The following ZNF804B variants were observed in gnomAD, a reference collection of about 807,000 sequenced individuals.
ZNF804B encodes the protein zinc finger protein 804B, also known as zinc finger 804B.
ZNF804B carries 80 observed loss-of-function variants against 101.4 expected under a neutral mutation model. That is an observed-to-expected ratio of 0.79 (90% CI 0.66 to 0.95). The LOEUF is 0.95. ZNF804B is among the 40% of genes least tolerant of loss of function. The pLI is 0.00. For synonymous variants in ZNF804B, 622 were observed against 558.8 expected (o/e 1.11, Z -1.59); for missense variants, 1,673 against 1,561.9 (o/e 1.07, Z -1.20).
At chr7:89,078,407 A>G (rs960509363) in intron 1 of ZNF804B, among the ~76,000 whole-genome samples, 3 of 152,074 alleles carry the variant, frequency 2.0e-5, no homozygotes, top group African/African-American at 4.8e-5. Flanking sequence ...TGCAGCCTCT[A>G]AAGACCAGTA....
At chr7:88,842,452 T>C (rs987610638) in intron 1 of ZNF804B, among the ~76,000 whole-genome samples, 2 of 152,158 alleles carry the variant, frequency 1.3e-5, no homozygotes, top group African/African-American at 4.8e-5. Context: ...CACTGTGGGC[T>C]TCAGCCTGCA....
At chr7:89,025,613 T>A (rs1322114350) in intron 1 of ZNF804B, among the ~76,000 whole-genome samples, 1 of 152,132 alleles carries the variant, frequency 6.6e-6, no homozygotes, top group Non-Finnish European at 1.5e-5. Context: ...ATATACTCAC[T>A]CTTAGCTATT....
At chr7:89,300,695 TA>T (rs1790458546) in intron 2 of ZNF804B, among the ~76,000 whole-genome samples, 2 of 151,610 alleles carry the variant, frequency 1.3e-5, no homozygotes, top group African/African-American at 2.4e-5. Flanking sequence ...ACTGGAGAGG[TA>T]TATACTGAGT....
intron 1 of ZNF804B, among the ~76,000 whole-genome samples, chr7:89,055,587 A>G (rs1789278836): frequency 6.6e-6 from 1 of 152,070 alleles, no homozygotes; most frequent in African/African-American, 2.4e-5. Context: ...AATTCCTGAT[A>G]TCAACTTCAC....
intron 1 of ZNF804B, among the ~76,000 whole-genome samples, chr7:89,020,653 A>T (rs192783769): frequency 6.6e-6 from 1 of 152,144 alleles, no homozygotes; most frequent in Non-Finnish European, 1.5e-5. Context: ...TAGGTTTTCT[A>T]TACCTTTTCA....
At chr7:89,281,897 T>C (rs1790101811) in intron 2 of ZNF804B, among the ~76,000 whole-genome samples, 1 of 152,152 alleles carries the variant, frequency 6.6e-6, no homozygotes, top group Admixed American at 6.5e-5. Flanking sequence ...CAGCTTAACA[T>C]GTGGCCCTGG....
intron 1 of ZNF804B, among the ~76,000 whole-genome samples, chr7:88,870,434 C>T (rs944356850): frequency 1.3e-5 from 2 of 149,698 alleles, no homozygotes; most frequent in African/African-American, 4.9e-5. Context: ...ACAGCCACTT[C>T]CCGGTTGTCT....
chr7:88,959,383 G>C (rs1463048351), intron 1 of ZNF804B, among the ~76,000 whole-genome samples: 1 of 151,310 alleles, frequency 6.6e-6, no homozygotes, highest in Non-Finnish European at 1.5e-5. Context: ...TTATTAACTA[G>C]CTCCAAGACA....
chr7:88,897,743 A>G (rs1187511850), intron 1 of ZNF804B, among the ~76,000 whole-genome samples: 1 of 152,120 alleles, frequency 6.6e-6, no homozygotes, highest in African/African-American at 2.4e-5. Flanking sequence ...TCTGAAGCCT[A>G]TACCCTTTCA....
At chr7:88,884,645 T>C (rs904750049) in intron 1 of ZNF804B, among the ~76,000 whole-genome samples, 3 of 151,920 alleles carry the variant, frequency 2.0e-5, no homozygotes, top group African/African-American at 7.2e-5. Context: ...TTATATTGCC[T>C]ATTATATGAC....
At chr7:89,309,170 C>G (rs1185990477) in intron 2 of ZNF804B, among the ~76,000 whole-genome samples, 1 of 152,056 alleles carries the variant, frequency 6.6e-6, no homozygotes, top group Non-Finnish European at 1.5e-5. Flanking sequence ...ATCCCAGTGT[C>G]TATTGTTCCC....
intron 1 of ZNF804B, among the ~76,000 whole-genome samples, chr7:89,178,487 T>C (rs1318057265): frequency 1.3e-5 from 2 of 152,156 alleles, no homozygotes; most frequent in African/African-American, 2.4e-5. Flanking sequence ...CCCATCATTT[T>C]AAACTGATGG....
chr7:89,296,748 A>G (rs1203085735), intron 2 of ZNF804B, among the ~76,000 whole-genome samples: 1 of 152,058 alleles, frequency 6.6e-6, no homozygotes, highest in African/African-American at 2.4e-5. Flanking sequence ...CTAAATTTTT[A>G]AAAAGAGCCA....
intron 2 of ZNF804B, among the ~76,000 whole-genome samples, chr7:89,315,760 G>C (rs1253812765): frequency 6.6e-6 from 1 of 151,636 alleles, no homozygotes; most frequent in East Asian, 1.9e-4. Flanking sequence ...ACACACACAA[G>C]CTGATCATGT....
chr7:89,020,903 G>T (rs145191335), intron 1 of ZNF804B, among the ~76,000 whole-genome samples: 1 of 151,730 alleles, frequency 6.6e-6, no homozygotes, highest in Non-Finnish European at 1.5e-5. Flanking sequence ...ATATTATATC[G>T]CACTGAATTT....
intron 1 of ZNF804B, among the ~76,000 whole-genome samples, chr7:89,013,158 A>G (rs1206233806): frequency 6.6e-6 from 1 of 152,168 alleles, no homozygotes; most frequent in Non-Finnish European, 1.5e-5. Flanking sequence ...ATTCAAGGTG[A>G]GATTTGGGTA....
intron 1 of ZNF804B, among the ~76,000 whole-genome samples, chr7:88,890,768 G>T (rs890476141): frequency 9.9e-5 from 15 of 152,084 alleles, no homozygotes; most frequent in Admixed American, 8.5e-4. Flanking sequence ...TTATCCCACT[G>T]TATAAAATGT....
intron 1 of ZNF804B, among the ~76,000 whole-genome samples, chr7:88,834,107 C>T (rs796479342): frequency 3.0e-4 from 46 of 151,840 alleles, no homozygotes; most frequent in African/African-American, 1.0e-3. Flanking sequence ...AGGTTATAAT[C>T]AGAAAGAATT....
intron 1 of ZNF804B, among the ~76,000 whole-genome samples, chr7:89,037,272 C>T (rs763961942): frequency 1.3e-5 from 2 of 151,936 alleles, no homozygotes; most frequent in Non-Finnish European, 2.9e-5. Flanking sequence ...ATGTACAGAC[C>T]ACCAACATGC....
Sources: gnomAD v4.1 joint callset for allele counts (sites outside exome capture counted in the v4.1 genomes callset) on GRCh38, gnomAD v4.1.1 for gene constraint, MANE v1.5 for transcripts, NCBI Gene and HGNC (gene_info 2026-07-23, HGNC 2026-07-21) for gene names.